The following EYS variants were observed in gnomAD, a reference collection of about 807,000 sequenced individuals.
EYS encodes protein eyes shut homolog.
EYS carries 250 observed loss-of-function variants against 282.1 expected under a neutral mutation model. That is an observed-to-expected ratio of 0.89 (90% CI 0.80 to 0.98). EYS has a LOEUF of 0.98. Ranked by LOEUF, EYS falls within the 50% of genes least tolerant of loss-of-function variation. EYS has a pLI of 0.00. For missense variants in EYS, 4,016 were observed against 3,709.0 expected, an observed-to-expected ratio of 1.08 and a Z score of -2.15; for synonymous variants, 1,355 against 1,282.9, an observed-to-expected ratio of 1.06 and a Z score of -1.20.
intron 2 of EYS, among the ~76,000 whole-genome samples, chr6:65,552,906 T>G (rs1768651339): frequency 6.6e-6 from 1 of 152,172 alleles, no homozygotes; most frequent in Non-Finnish European, 1.5e-5. Context: ...GGTACTTATT[T>G]TAAACAATAA....
intron 19 of EYS, among the ~76,000 whole-genome samples, chr6:64,846,680 G>A (rs1045619278): frequency 1.3e-4 from 19 of 151,938 alleles, no homozygotes; most frequent in African/African-American, 4.6e-4. Context: ...ATTTCAGTGA[G>A]AATAATTTTC....
chr6:65,031,419 A>C (rs1449470007), intron 13 of EYS, among the ~76,000 whole-genome samples: 1 of 152,100 alleles, frequency 6.6e-6, no homozygotes, highest in Non-Finnish European at 1.5e-5. Context: ...CAACAGCAAC[A>C]GAATATATAT....
chr6:64,544,958 C>T lies in EYS; in HGVS notation c.5644+45265G>A, dbSNP rs148026995. Among the ~76,000 whole-genome samples, 258 of 152,260 alleles carry T rather than the reference C, an allele frequency of 1.7e-3. 2 individuals carry two copies. Among genetic ancestry groups the T allele is most frequent in the African/African-American group, 5.2e-3 (214 of 41,548 alleles). ...CCAGAGGTACAAGTAGGAGCTGGTA[C>T]GATTCCTTCTGAAACTATTCCAATC... On this transcript the variant is annotated intron_variant, in intron 26 of 42. Transcript: ENST00000503581.
intron 12 of EYS, among the ~76,000 whole-genome samples, chr6:65,250,047 T>G (rs2150282294): frequency 6.6e-6 from 1 of 152,080 alleles, no homozygotes; most frequent in Admixed American, 6.6e-5. Context: ...GTTTCAGAGA[T>G]ATTAGAGAAG....
chr6:64,885,926 C>T (rs1488371494), intron 19 of EYS, among the ~76,000 whole-genome samples: 2 of 151,724 alleles, frequency 1.3e-5, no homozygotes, highest in African/African-American at 4.8e-5. Flanking sequence ...TATTTAACTA[C>T]TCATCCCTCA....
intron 33 of EYS, among the ~76,000 whole-genome samples, chr6:64,030,387 C>CA (rs1769764406): frequency 1.3e-5 from 2 of 152,166 alleles, no homozygotes; most frequent in African/African-American, 4.8e-5. Flanking sequence ...ATCTGCCTCT[C>CA]AGACAGTTTG....
chr6:64,997,462 G>A lies in EYS; in HGVS notation c.2259+120C>T. The stretch of plus-strand genomic sequence containing the variant: ...AGTTTCTGTTTTCTAACCTTGAGAA[G>A]TAAGCATATGTAATATATATACTAA... On this transcript the variant is annotated intron_variant, in intron 14 of 42. Transcript: ENST00000503581. 3.5e-6 allele frequency: 3 copies of A among 855,322 alleles called. No individual in the cohort carries two copies. The East Asian group carries it at 8.7e-5, about 25-fold the overall frequency. The allele number at this position is 855,322 out of a possible 1,614,324, so 53.0% of individuals were successfully genotyped here.
rs1052608827 is a variant in EYS, at chr6:64,957,065, C to T, written c.2260-11151G>A. 2.6e-5 allele frequency among the ~76,000 whole-genome samples: 4 copies of T among 152,216 alleles called. No homozygotes were observed. The South Asian group carries it at 8.3e-4, about 31-fold the overall frequency. On this transcript the variant is annotated intron_variant, in intron 14 of 42. Coordinates refer to ENST00000503581, the MANE Select transcript of EYS (RefSeq NM_001142800.2). ...GCTATCAAATGATCCAGCAATCCCA[C>T]TGCTGGGTATACACCCCCCAAATGA...
rs537967594 is a variant in EYS, at chr6:64,996,731, A to G, written c.2259+851T>C. ...TGTGGGAAAAAACAGTTTGCCACAA[A>G]TGTTCCTTCTATTGTAAAAACAATG... is the stretch of plus-strand genomic sequence containing the variant. On this transcript the variant is annotated intron_variant, in intron 14 of 42. Coordinates refer to ENST00000503581, the MANE Select transcript of EYS (RefSeq NM_001142800.2). Among the ~76,000 whole-genome samples the G allele has an allele frequency of 3.3e-5, 5 of 152,308 alleles. No individual in the cohort carries two copies. In the South Asian group the frequency reaches 8.3e-4, roughly 25 times the overall value.
chr6:65,427,133 C>T (rs1297895196), intron 5 of EYS, among the ~76,000 whole-genome samples: 1 of 151,996 alleles, frequency 6.6e-6, no homozygotes, highest in Admixed American at 6.6e-5. Context: ...TAGGGTAACC[C>T]TTACTCTAGT....
chr6:64,301,512 T>G (rs1177593112), intron 30 of EYS, among the ~76,000 whole-genome samples: 1 of 152,192 alleles, frequency 6.6e-6, no homozygotes, highest in African/African-American at 2.4e-5. Context: ...TTTGCTCACA[T>G]ACCGGAACTA....
intron 29 of EYS, chr6:64,378,055 C>T (rs924620882): frequency 6.6e-6 from 1 of 152,154 alleles, no homozygotes; most frequent in African/African-American, 2.4e-5. Context: ...AGAATGCTTG[C>T]TTACTTGTTG....
intron 31 of EYS, among the ~76,000 whole-genome samples, chr6:64,221,531 C>T (rs753341044): frequency 6.6e-6 from 1 of 152,086 alleles, no homozygotes; most frequent in Non-Finnish European, 1.5e-5. Flanking sequence ...ATTACCTAGT[C>T]TGTGGTATTC....
At chr6:63,889,645 T>C (rs1196262545) in intron 35 of EYS, among the ~76,000 whole-genome samples, 1 of 152,012 alleles carries the variant, frequency 6.6e-6, no homozygotes, top group Non-Finnish European at 1.5e-5. Context: ...AAGGAAAAAC[T>C]GGTACGAGCC....
chr6:64,230,236 A>C (rs1766379922), intron 31 of EYS, among the ~76,000 whole-genome samples: 1 of 152,216 alleles, frequency 6.6e-6, no homozygotes, highest in Non-Finnish European at 1.5e-5. Context: ...TTGGCAATTA[A>C]GCAATAAAAT....
intron 19 of EYS, among the ~76,000 whole-genome samples, chr6:64,858,236 A>T (rs768078636): frequency 1.4e-4 from 21 of 152,136 alleles, no homozygotes; most frequent in Non-Finnish European, 2.6e-4. Context: ...TTCAGGTTTT[A>T]TATTAATTTT....
chr6:65,317,825 C>CCTTTCTTTCTTTCTTTCTTTCTTTCTTT (rs201156936), intron 11 of EYS, among the ~76,000 whole-genome samples: 6 of 81,288 alleles, frequency 7.4e-5, no homozygotes, highest in Non-Finnish European at 1.5e-4. Context: ...TTCCTTCCTT[C>CCTTTCTTTCTTTCTTTCTTTCTTTCTTT]CTTTCTTTCT....
intron 22 of EYS, among the ~76,000 whole-genome samples, chr6:64,802,021 T>TTG (rs1562199341): frequency 4.5e-5 from 6 of 133,310 alleles, no homozygotes; most frequent in African/African-American, 1.6e-4. Context: ...AAATTTCTTT[T>TTG]TCTTTTTTTT....
chr6:65,599,420 T>G (rs963222125), intron 2 of EYS, among the ~76,000 whole-genome samples: 11 of 152,044 alleles, frequency 7.2e-5, no homozygotes, highest in African/African-American at 2.4e-4. Context: ...ACAGAGGTTA[T>G]GTTCTTCATC....
Sources: gnomAD v4.1 joint callset for allele counts (sites outside exome capture counted in the v4.1 genomes callset) on GRCh38, gnomAD v4.1.1 for gene constraint, MANE v1.5 for transcripts, NCBI Gene and HGNC (gene_info 2026-07-23, HGNC 2026-07-21) for gene names.